SLC18A2: variants seen among roughly 807,000 people sequenced by gnomAD.
SLC18A2 encodes the protein solute carrier family 18 member A2, also known as synaptic vesicular amine transporter.
In SLC18A2, 33 loss-of-function variants were observed where a neutral mutation model predicts 59.2. The observed-to-expected ratio is 0.56, with a 90% CI of 0.42 to 0.75. SLC18A2 has a LOEUF of 0.75. Among genes scored for constraint, SLC18A2 ranks in the 30% least tolerant of loss-of-function variants. SLC18A2 has a pLI of 0.00. For missense variants in SLC18A2, 569 were observed against 668.6 expected, an observed-to-expected ratio of 0.85 and a Z score of 1.64; for synonymous variants, 228 against 253.5, an observed-to-expected ratio of 0.90 and a Z score of 0.95.
chr10:117,247,204 G>C (rs1464722181), intron 3 of SLC18A2, among the ~76,000 whole-genome samples: 1 of 152,178 alleles, frequency 6.6e-6, no homozygotes, highest in Non-Finnish European at 1.5e-5. Flanking sequence ...CATCCTCCAT[G>C]AGCAAGATGT....
chr10:117,255,708 G>T lies in SLC18A2; in HGVS notation c.895+51G>T, dbSNP rs377336666. 1.8e-5 allele frequency: 28 copies of T among 1,557,308 alleles called. No homozygotes were observed. In the South Asian group the frequency reaches 3.0e-4, roughly 17 times the overall value. On this transcript the variant is annotated intron_variant, in intron 9 of 15. Coordinates refer to ENST00000644641, the MANE Select transcript of SLC18A2 (RefSeq NM_003054.6). ...CAGGGGAATGCGAGGTGATGGCCGC[G>T]TGCTGGAGGCAGGGGTGGATGGCCA...
chr10:117,273,487 C>A (rs1844450253), intron 15 of SLC18A2, among the ~76,000 whole-genome samples: 1 of 152,170 alleles, frequency 6.6e-6, no homozygotes, highest in Admixed American at 6.5e-5. Context: ...TTGAGGATTG[C>A]AGCTTTCTTT....
At position 117,277,878 on chromosome 10, in the gene SLC18A2, A is replaced by C. The variant is rs764500840; in HGVS notation, c.*612A>C. 4 of 152,208 alleles carry C rather than the reference A, an allele frequency of 2.6e-5. No individual in the cohort carries two copies. The highest frequency in any genetic ancestry group is 4.8e-5 in the African/African-American group (2 of 41,444). 9.4% of individuals were successfully genotyped at this position (152,208 alleles called of 1,614,324 possible). On this transcript the variant is annotated 3_prime_UTR_variant, in exon 16 of 16. Coordinates refer to ENST00000644641, the MANE Select transcript of SLC18A2 (RefSeq NM_003054.6). Reference sequence around the variant, plus strand: ...CTTAGCTGGCATTAGTTTTCTATGTAATCACCTACCTAGAGAGAGTTGTAA... The same window carrying C: ...CTTAGCTGGCATTAGTTTTCTATGTCATCACCTACCTAGAGAGAGTTGTAA...
intron 2 of SLC18A2, chr10:117,242,046 ACCC>A: frequency 2.4e-6 from 1 of 417,976 alleles, no homozygotes; most frequent in African/African-American, 2.1e-5. Context: ...ATCCGATAAG[ACCC>A]AGAACTTATG....
chr10:117,249,905 G>T (rs1439459280), intron 3 of SLC18A2, among the ~76,000 whole-genome samples: 2 of 152,184 alleles, frequency 1.3e-5, no homozygotes, highest in African/African-American at 4.8e-5. Flanking sequence ...TTTGGCTAAA[G>T]GTTTGCTGAA....
At chr10:117,255,436 G>C (rs1192193305) in intron 7 of SLC18A2, 43 bp from the exon 8 acceptor site, 1 of 1,614,192 alleles carries the variant, frequency 6.2e-7, no homozygotes, top group Non-Finnish European at 8.5e-7. Context: ...GGCCACACCT[G>C]CTTTCTGAAG....
intron 3 of SLC18A2, among the ~76,000 whole-genome samples, chr10:117,247,388 C>T (rs552034102): frequency 2.0e-5 from 3 of 152,320 alleles, no homozygotes; most frequent in African/African-American, 7.2e-5. Flanking sequence ...GTTTGCAGTT[C>T]AGGAGGAGAA....
rs1425852440 is a variant in SLC18A2 at position 117,269,947 on chromosome 10, C to G, written c.1187-124C>G. ...AAGATTAGTATCACCCCAAGACTTG[C>G]AGGTGGTGATGACAGAAGGGGAAGA... On this transcript the variant is annotated intron_variant, in intron 13 of 15. Coordinates refer to ENST00000644641, the MANE Select transcript of SLC18A2 (RefSeq NM_003054.6). This position sits in a 1 kb window ranked among gnomAD's most constrained non-coding sequence, Gnocchi z 5.1. The G allele has an allele frequency of 3.5e-6, 4 of 1,136,244 alleles. No individual in the cohort carries two copies. In the East Asian group the frequency reaches 9.8e-5, roughly 28 times the overall value. 70.4% of individuals were successfully genotyped at this position (1,136,244 alleles called of 1,614,324 possible).
intron 12 of SLC18A2, chr10:117,267,379 A>G (rs767112759): frequency 8.9e-6 from 4 of 449,424 alleles, no homozygotes; most frequent in Non-Finnish European, 1.2e-5. Flanking sequence ...AATGGCCAAT[A>G]TCCATCCCTC....
In SLC18A2 at chr10:117,270,158, C is replaced by T. The variant is rs369109725; in HGVS notation, c.1274C>T (p.Ala425Val). The stretch of plus-strand genomic sequence containing the variant: ...GTCTATGGGAGTGTGTACGCCATTG[C>T]GGATGTGGCATTTTGTATGGGGTAT... ...VSVYGSVYAI[A>V]DVAFCMGYAI... Residue 425 changes from alanine (A) to valine (V), a missense_variant, in exon 14 of 16, where the codon GCG (alanine) becomes GTG (valine). By Grantham distance (64) the Ala-to-Val change is moderately conservative. Coordinates refer to ENST00000644641, the MANE Select transcript of SLC18A2 (RefSeq NM_003054.6). 153 of 1,614,086 alleles carry T rather than the reference C, an allele frequency of 9.5e-5. No homozygotes were observed. Among genetic ancestry groups the T allele is most frequent in the Non-Finnish European group, 1.2e-4 (136 of 1,180,034 alleles).
Position 117,278,617 on chromosome 10 carries a change from ATTAC to A in SLC18A2, c.*1355_*1358del, listed in dbSNP as rs1844534314. The A allele has an allele frequency of 1.3e-5, 2 of 152,276 alleles. No homozygotes were observed. The highest frequency in any genetic ancestry group is 3.4e-3 in the Middle Eastern group (1 of 294). The allele number at this position is 152,276 out of a possible 1,614,324, so 9.4% of individuals were successfully genotyped here. ...TGCAGTTCTATAATCATAAACAAAAATTACTTAGTTTCGTTAAGCTAAGATTGTG... is the reference window on the plus strand; with the variant it reads ...TGCAGTTCTATAATCATAAACAAAAATTAGTTTCGTTAAGCTAAGATTGTG... On this transcript the variant is annotated 3_prime_UTR_variant, in exon 16 of 16. Transcript: ENST00000644641.
intron 10 of SLC18A2, among the ~76,000 whole-genome samples, chr10:117,259,541 CAGGTAA>C (rs1444479646): frequency 1.3e-5 from 2 of 152,220 alleles, no homozygotes; most frequent in South Asian, 2.1e-4. Flanking sequence ...GTGTGCGTGG[CAGGTAA>C]AGGTCTCTGA....
chr10:117,266,287 T>C (rs903191595), intron 10 of SLC18A2, among the ~76,000 whole-genome samples: 52 of 152,138 alleles, frequency 3.4e-4, no homozygotes, highest in African/African-American at 1.2e-3. Context: ...ATAACTGTGG[T>C]GATTATCTGA....
At chr10:117,252,031 G>A (rs190169540) in intron 3 of SLC18A2, among the ~76,000 whole-genome samples, 39 of 151,532 alleles carry the variant, frequency 2.6e-4, no homozygotes, top group East Asian at 7.7e-4. Context: ...TGATCTCAGC[G>A]CACTACATCC....
At chr10:117,261,239 A>G (rs1844291138) in intron 10 of SLC18A2, among the ~76,000 whole-genome samples, 1 of 128,080 alleles carries the variant, frequency 7.8e-6, no homozygotes, top group Admixed American at 8.2e-5. Context: ...CAAAAACAGC[A>G]ACAAAAAAAT....
chr10:117,253,558 G>T (rs554294519), intron 4 of SLC18A2, 101 bp downstream of exon 4: 23 of 335,696 alleles, frequency 6.9e-5, no homozygotes, highest in African/African-American at 5.0e-4. Context: ...ACGGCGGGGG[G>T]GCGGGGGGGG....
At chr10:117,254,268 C>A in intron 5 of SLC18A2, 137 bp downstream of exon 5, 2 of 1,153,076 alleles carry the variant, frequency 1.7e-6, no homozygotes, top group Non-Finnish European at 2.5e-6. Flanking sequence ...CTCTTGGGTT[C>A]TGCTTGGTCT....
At chr10:117,272,503 A>G (rs953949975) in intron 15 of SLC18A2, among the ~76,000 whole-genome samples, 7 of 152,198 alleles carry the variant, frequency 4.6e-5, no homozygotes, top group Non-Finnish European at 8.8e-5. Flanking sequence ...CCGCAGAAGG[A>G]CTGGCAGAAG....
At chr10:117,255,775 A>G (rs961390661) in intron 9 of SLC18A2, 118 bp downstream of exon 9, 70 of 831,684 alleles carry the variant, frequency 8.4e-5, no homozygotes, top group South Asian at 4.6e-4. Flanking sequence ...TGGGCTATAT[A>G]AAAAAACAGA....
Sources: allele counts gnomAD v4.1 joint callset (sites outside exome capture counted in the v4.1 genomes callset), GRCh38; gene constraint gnomAD v4.1.1; non-coding constraint Gnocchi (gnomAD v3.1); transcripts MANE v1.5; gene names NCBI Gene and HGNC (gene_info 2026-07-23, HGNC 2026-07-21).